Variants in TTC34 observed in about 807,000 individuals in gnomAD.
The protein encoded by TTC34 is tetratricopeptide repeat protein 34.
TTC34 carries 44 observed loss-of-function variants against 40.7 expected under a neutral mutation model. The observed-to-expected ratio is 1.08, with a 90% CI of 0.85 to 1.39. The LOEUF is 1.39. Among genes scored for constraint, TTC34 ranks in the 40% most tolerant of loss-of-function variants. TTC34 has a pLI of 0.00. For synonymous variants in TTC34, 422 were observed against 398.6 expected (o/e 1.06, Z -0.70); for missense variants, 884 against 838.0 (o/e 1.05, Z -0.68).
intron 6 of TTC34, among the ~76,000 whole-genome samples, chr1:2,768,032 C>T (rs1324133633): frequency 6.6e-6 from 1 of 151,442 alleles, no homozygotes; most frequent in African/African-American, 2.4e-5. Context: ...CAGCATAAAA[C>T]AGCACCCCAC....
Position 2,761,065 on chromosome 1 carries a change from C to T in TTC34, c.2226+22544G>A, listed in dbSNP as rs1378958527. Among the ~76,000 whole-genome samples, 5 of 71,680 alleles carry T rather than the reference C, an allele frequency of 7.0e-5. 1 individual carries two copies. The highest frequency in any genetic ancestry group is 1.1e-4 in the African/African-American group (1 of 8,736). 47.0% of individuals were successfully genotyped at this position (71,680 alleles called of 152,430 possible). A position where few individuals can be genotyped will look rare whatever the true frequency, so the allele number is the denominator to read the frequency against. The stretch of plus-strand genomic sequence containing the variant: ...ACAGTCCCAGGTGAGCATCCGAGAG[C>T]GTGGAGCAGCATCCTCACCCCAGGT... On this transcript the variant is annotated intron_variant, in intron 6 of 8. Transcript: ENST00000401095.
chr1:2,751,638 G>C (rs1183760937), intron 6 of TTC34, among the ~76,000 whole-genome samples: 1 of 134,160 alleles, frequency 7.5e-6, no homozygotes, highest in African/African-American at 3.0e-5. Context: ...GCCTGGAACA[G>C]CACCCACACC....
intron 6 of TTC34, among the ~76,000 whole-genome samples, chr1:2,750,109 G>T (rs1641266539): frequency 1.3e-5 from 2 of 148,784 alleles, no homozygotes; most frequent in African/African-American, 2.5e-5. Context: ...TGACAGCCTG[G>T]AACAGCACCC....
chr1:2,789,382 G>GCAGCACCA lies in TTC34; in HGVS notation c.1628+120_1628+121insTGGTGCTG, dbSNP rs1643633599. 107 of 1,011,612 alleles carry GCAGCACCA rather than the reference G, an allele frequency of 1.1e-4. 2 individuals are homozygous for GCAGCACCA. The South Asian group carries it at 1.5e-3, about 14-fold the overall frequency. The allele number at this position is 1,011,612 out of a possible 1,614,324, so 62.7% of individuals were successfully genotyped here. On this transcript the variant is annotated intron_variant, in intron 3 of 8. Transcript: ENST00000401095. ...AGCTAGACCTGCCTCGGGTGCTTTG[G>GCAGCACCA]GAAGTCACCAGCCACTGCCTCCGTT...
At position 2,694,700 on chromosome 1, in the gene TTC34, A is replaced by T. The variant is rs1204075856; in HGVS notation, c.2227-49137T>A. Among the ~76,000 whole-genome samples, 3 of 66,792 alleles carry T rather than the reference A, an allele frequency of 4.5e-5. 1 individual carries two copies. The highest frequency in any genetic ancestry group is 1.1e-4 in the Non-Finnish European group (3 of 26,478). The allele number at this position is 66,792 out of a possible 152,430, so 43.8% of individuals were successfully genotyped here. Reference sequence around the variant, plus strand: ...AGGTGACCATTGGACACCCTGGAGCAGCACCCACAACCACAGGTGAGCATC... The same window carrying T: ...AGGTGACCATTGGACACCCTGGAGCTGCACCCACAACCACAGGTGAGCATC... On this transcript the variant is annotated intron_variant, in intron 6 of 8. Coordinates refer to ENST00000401095, the Ensembl canonical transcript of TTC34.
intron 6 of TTC34, among the ~76,000 whole-genome samples, chr1:2,698,917 T>TG: frequency 1.6e-5 from 1 of 60,962 alleles, no homozygotes; most frequent in Non-Finnish European, 3.3e-5. Flanking sequence ...CAGCCTGGAG[T>TG]AGTATCCTGC....
At chr1:2,691,301 A>C (rs1307711871) in intron 6 of TTC34, among the ~76,000 whole-genome samples, 675 of 21,268 alleles carry the variant, frequency 0.032, no homozygotes, top group Middle Eastern at 0.067. Context: ...AGCACCCACA[A>C]CCCCAGGCGA....
At position 2,798,696 on chromosome 1, in the gene TTC34, C is replaced by A. The variant is rs1453683719; in HGVS notation, c.784+1348G>T. 3.0e-5 allele frequency among the ~76,000 whole-genome samples: 3 copies of A among 100,648 alleles called. 1 individual carries two copies. The highest frequency in any genetic ancestry group is 1.2e-4 in the African/African-American group (3 of 25,628). 66.0% of individuals were successfully genotyped at this position (100,648 alleles called of 152,430 possible). A position where few individuals can be genotyped will look rare whatever the true frequency, so the allele number is the denominator to read the frequency against. On this transcript the variant is annotated intron_variant, in intron 2 of 8. Transcript: ENST00000401095. ...CTCTCAGCCCCTCAGCTCCCCAGCC[C>A]CCCAGCGTCCCAGCCTCTCAGCCTC...
intron 6 of TTC34, among the ~76,000 whole-genome samples, chr1:2,652,411 GT>G (rs1639173353): frequency 2.1e-3 from 1 of 468 alleles, no homozygotes; most frequent in Admixed American, 0.018. Context: ...CACACCCCCA[GT>G]GAGCATCTGA....
At chr1:2,750,677 C>G (rs1324791300) in intron 6 of TTC34, among the ~76,000 whole-genome samples, 10 of 40,392 alleles carry the variant, frequency 2.5e-4, no homozygotes, top group East Asian at 9.6e-4. Context: ...CCTGGAACAG[C>G]ACCCTGCACC....
intron 6 of TTC34, among the ~76,000 whole-genome samples, chr1:2,699,249 A>AG: frequency 6.8e-6 from 1 of 146,650 alleles, no homozygotes; most frequent in Admixed American, 6.8e-5. Context: ...CAGCACCCAT[A>AG]CCCCAAGGCG....
At chr1:2,641,988 CTTCT>C in intron 8 of TTC34, 93 bp from the exon 9 acceptor site, 7 of 1,311,154 alleles carry the variant, frequency 5.3e-6, no homozygotes, top group Non-Finnish European at 7.0e-6. Flanking sequence ...GCACAGCCAG[CTTCT>C]GCTGGCTCCC....
rs1641272316 is a variant in TTC34, at chr1:2,750,280, AG to A, written c.2226+33328del. Among the ~76,000 whole-genome samples, 2 of 103,716 alleles carry A rather than the reference AG, an allele frequency of 1.9e-5. 1 individual carries two copies. The highest frequency in any genetic ancestry group is 3.7e-5 in the Non-Finnish European group (2 of 54,542). 68.0% of individuals were successfully genotyped at this position (103,716 alleles called of 152,430 possible). On this transcript the variant is annotated intron_variant, in intron 6 of 8. Coordinates refer to ENST00000401095, the Ensembl canonical transcript of TTC34. ...CATCTGACAGCCTGGAAAAGAGCCC[AG>A]ACCCCCAGGTGAGCATCTGACAGAC...
At chr1:2,649,231 G>A (rs1639078377) in intron 6 of TTC34, among the ~76,000 whole-genome samples, 1 of 151,418 alleles carries the variant, frequency 6.6e-6, no homozygotes, top group Non-Finnish European at 1.5e-5. Flanking sequence ...GTGACAATCT[G>A]GAACAGGACC....
intron 6 of TTC34, among the ~76,000 whole-genome samples, chr1:2,758,213 C>A: frequency 7.5e-6 from 1 of 132,750 alleles, no homozygotes; most frequent in African/African-American, 2.8e-5. Flanking sequence ...GAGCAACTGA[C>A]ACCCTGGAAC....
In TTC34 at chr1:2,644,479, C is replaced by G. The variant is rs1030752407; in HGVS notation, c.2498-1G>C. On this transcript the variant is annotated splice_acceptor_variant, in intron 7 of 8. Coordinates refer to ENST00000401095, the Ensembl canonical transcript of TTC34. LOFTEE classifies it high-confidence loss of function. ...TGGGTGCCAGCTTCCTCGTAGCTGC[C>G]TGTCAGGGATTCAGGAGGGACAGTC... is the stretch of plus-strand genomic sequence containing the variant. 44 of 1,532,584 alleles carry G rather than the reference C, an allele frequency of 2.9e-5. No individual in the cohort carries two copies. In the African/African-American group the frequency reaches 5.5e-4, roughly 19 times the overall value. The allele number at this position is 1,532,584 out of a possible 1,614,324, so 94.9% of individuals were successfully genotyped here.
chr1:2,753,995 T>TTGG (rs1641416269), intron 6 of TTC34, among the ~76,000 whole-genome samples: 1 of 16,490 alleles, frequency 6.1e-5, no homozygotes, highest in Non-Finnish European at 9.7e-5. Flanking sequence ...CGAGTATCTG[T>TTGG]ACGCACAGAG....
At chr1:2,749,483 T>C (rs1373619857) in intron 6 of TTC34, among the ~76,000 whole-genome samples, 826 of 53,576 alleles carry the variant, frequency 0.015, no homozygotes, top group Middle Eastern at 0.032. Flanking sequence ...AGCACCCACA[T>C]CCCCAGGTGA....
intron 6 of TTC34, among the ~76,000 whole-genome samples, chr1:2,759,901 G>A (rs1641638167): frequency 7.0e-6 from 1 of 143,450 alleles, no homozygotes; most frequent in Non-Finnish European, 1.5e-5. Context: ...GCATCTGACA[G>A]CCTGGAACAT....
Sources: gnomAD v4.1 joint callset for allele counts (sites outside exome capture counted in the v4.1 genomes callset) on GRCh38, gnomAD v4.1.1 for gene constraint, MANE v1.5 for transcripts, NCBI Gene and HGNC (gene_info 2026-07-23, HGNC 2026-07-21) for gene names.